Variants in UNC13C observed in about 807,000 individuals in gnomAD.
UNC13C encodes unc-13 homolog C, also known as protein unc-13 homolog C.
Under a neutral mutation model 245.4 loss-of-function variants are expected in UNC13C, and 174 were observed. The ratio of observed to expected loss-of-function variants is 0.71; its 90% CI spans 0.63 to 0.80. The LOEUF is 0.80. Ranked by LOEUF, UNC13C falls within the 30% of genes least tolerant of loss-of-function variation. UNC13C has a pLI of 0.00. For missense variants in UNC13C, 2,829 were observed against 2,602.9 expected (o/e 1.09, Z -1.89); for synonymous variants, 992 against 895.1 (o/e 1.11, Z -1.93).
At chr15:54,019,559 G>GA (rs958489892) in intron 2 of UNC13C, among the ~76,000 whole-genome samples, 2 of 152,146 alleles carry the variant, frequency 1.3e-5, no homozygotes, top group Non-Finnish European at 2.9e-5. Flanking sequence ...CACTTTACCT[G>GA]AAATCAGAAC....
chr15:54,494,633 G>A lies in UNC13C; in HGVS notation c.4959G>A (p.Lys1653=), dbSNP rs1376690147. The part of the protein sequence containing the change: ...LEEHENQRLC[K]STDYMNLHFK... ...AACATGAAAATCAGCGGTTATGCAA[G>A]AGCACCGATTATATGAATTTGCATT... The change falls in exon 20 of 33, where the codon AAG becomes AAA. Residue 1653 remains lysine (K), a synonymous_variant. Transcript: ENST00000260323. 8.1e-6 allele frequency: 13 copies of A among 1,609,526 alleles called. No individual in the cohort carries two copies. Among genetic ancestry groups the A allele is most frequent in the South Asian group, 4.4e-5 (4 of 89,934 alleles).
At chr15:54,362,784 A>G (rs1459807978) in intron 17 of UNC13C, among the ~76,000 whole-genome samples, 1 of 152,180 alleles carries the variant, frequency 6.6e-6, no homozygotes, top group Non-Finnish European at 1.5e-5. Context: ...GGGAAAGTTA[A>G]AATGTGGAAA....
At chr15:54,002,711 A>C (rs1459981897) in intron 1 of UNC13C, among the ~76,000 whole-genome samples, 1 of 152,226 alleles carries the variant, frequency 6.6e-6, no homozygotes, top group Non-Finnish European at 1.5e-5. Flanking sequence ...CACAGGATTT[A>C]CTTTCAGAAA....
chr15:54,308,518 C>T (rs1164883378), intron 13 of UNC13C, among the ~76,000 whole-genome samples: 1 of 151,728 alleles, frequency 6.6e-6, no homozygotes, highest in East Asian at 1.9e-4. Context: ...AGTACACTTC[C>T]ACGCTGTTAG....
chr15:54,037,882 A>G (rs1896637798), intron 2 of UNC13C, among the ~76,000 whole-genome samples: 1 of 143,766 alleles, frequency 7.0e-6, no homozygotes, highest in African/African-American at 2.5e-5. Flanking sequence ...AAAATTTAGC[A>G]AATATATGGA....
chr15:54,380,664 A>C (rs2039704610), intron 17 of UNC13C, among the ~76,000 whole-genome samples: 1 of 152,134 alleles, frequency 6.6e-6, no homozygotes, highest in Non-Finnish European at 1.5e-5. Flanking sequence ...TGACAAGTGA[A>C]AGGTGATATT....
At chr15:54,196,108 A>T (rs1004860418) in intron 4 of UNC13C, among the ~76,000 whole-genome samples, 34 of 152,116 alleles carry the variant, frequency 2.2e-4, no homozygotes, top group Admixed American at 6.6e-5. Flanking sequence ...TGAATAGGAG[A>T]TGAGGTTTAT....
chr15:54,156,520 T>C (rs1324169942), intron 4 of UNC13C, among the ~76,000 whole-genome samples: 1 of 152,118 alleles, frequency 6.6e-6, no homozygotes, highest in Non-Finnish European at 1.5e-5. Flanking sequence ...TACAGAATCT[T>C]ATAATTTAGA....
At chr15:54,339,445 A>G (rs1044868651) in intron 17 of UNC13C, among the ~76,000 whole-genome samples, 1 of 152,064 alleles carries the variant, frequency 6.6e-6, no homozygotes, top group East Asian at 1.9e-4. Context: ...GAGTCCTCAA[A>G]GTCCATTGTA....
At chr15:53,987,470 A>G (rs1357129318) in intron 1 of UNC13C, among the ~76,000 whole-genome samples, 3 of 152,078 alleles carry the variant, frequency 2.0e-5, no homozygotes, top group African/African-American at 7.2e-5. Context: ...ATAGCAATTC[A>G]AAGCCATCAT....
At chr15:54,134,806 A>T (rs1567040286) in intron 2 of UNC13C, among the ~76,000 whole-genome samples, 1 of 152,198 alleles carries the variant, frequency 6.6e-6, no homozygotes, top group Non-Finnish European at 1.5e-5. Context: ...TCAACATGCT[A>T]ATCTCATTTT....
intron 18 of UNC13C, among the ~76,000 whole-genome samples, chr15:54,394,913 C>CA (rs2040038942): frequency 6.6e-6 from 1 of 151,560 alleles, no homozygotes; most frequent in African/African-American, 2.4e-5. Context: ...TTATTTATGG[C>CA]AAAAATAGAT....
intron 4 of UNC13C, among the ~76,000 whole-genome samples, chr15:54,217,356 G>A (rs979786725): frequency 2.0e-5 from 3 of 151,882 alleles, no homozygotes; most frequent in Non-Finnish European, 2.9e-5. Flanking sequence ...ATCAGTAGAG[G>A]AAAGAAAGTC....
At chr15:54,107,185 A>G (rs1381404967) in intron 2 of UNC13C, among the ~76,000 whole-genome samples, 1 of 152,160 alleles carries the variant, frequency 6.6e-6, no homozygotes, top group Admixed American at 6.5e-5. Flanking sequence ...TCTTAATTCC[A>G]TATTGCAATT....
intron 2 of UNC13C, among the ~76,000 whole-genome samples, chr15:54,137,419 T>A (rs1429271306): frequency 6.6e-6 from 1 of 152,204 alleles, no homozygotes; most frequent in Admixed American, 6.5e-5. Flanking sequence ...AATACTGGTG[T>A]TAAATCTTGG....
chr15:54,141,191 G>A (rs2032001165), intron 2 of UNC13C, among the ~76,000 whole-genome samples: 4 of 151,952 alleles, frequency 2.6e-5, no homozygotes, highest in Non-Finnish European at 5.9e-5. Flanking sequence ...TTTGCTTATG[G>A]GTTGACTATA....
At chr15:53,929,347 C>G in the UNC13C span, among the ~76,000 whole-genome samples, 7 of 152,114 alleles carry the variant, frequency 4.6e-5, no homozygotes, top group Admixed American at 4.6e-4. Context: ...GGTGGGGACA[C>G]AGCCAAACCA....
At chr15:54,185,684 G>C (rs28847570) in intron 4 of UNC13C, among the ~76,000 whole-genome samples, 14 of 139,428 alleles carry the variant, frequency 1.0e-4, no homozygotes, top group Non-Finnish European at 1.5e-4. Flanking sequence ...CCTTGTAGTA[G>C]AGTTTGAAGT....
Position 54,076,214 on chromosome 15 carries a change from C to T in UNC13C, c.2983+60328C>T, listed in dbSNP as rs1046151288. ...TGCTGGTGCGCTGCACCCACTAACT[C>T]GTCATCTAGCATTAGGTATATCGCC... On this transcript the variant is annotated intron_variant, in intron 2 of 32. Coordinates refer to ENST00000260323, the MANE Select transcript of UNC13C (RefSeq NM_001080534.3). Among the ~76,000 whole-genome samples the T allele has an allele frequency of 1.7e-4, 25 of 149,994 alleles. 1 individual carries two copies. Among genetic ancestry groups the T allele is most frequent in the East Asian group, 5.9e-4 (3 of 5,076 alleles).
Sources: gnomAD v4.1 joint callset for allele counts (sites outside exome capture counted in the v4.1 genomes callset) on GRCh38, gnomAD v4.1.1 for gene constraint, MANE v1.5 for transcripts, NCBI Gene and HGNC (gene_info 2026-07-23, HGNC 2026-07-21) for gene names.